Variants in FYB2 observed in about 807,000 individuals in gnomAD.
FYB2 encodes the protein FYN-binding protein 2.
FYB2 carries 103 observed loss-of-function variants against 94.1 expected under a neutral mutation model. The observed-to-expected ratio is 1.09, with a 90% CI of 0.93 to 1.29. The LOEUF is 1.29. Ranked by LOEUF, FYB2 falls within the 50% of genes most tolerant of loss-of-function variation. The pLI, the probability that FYB2 is intolerant of heterozygous loss-of-function variation, is 0.00. For synonymous variants in FYB2, 293 were observed against 287.9 expected, an observed-to-expected ratio of 1.02 and a Z score of -0.18; for missense variants, 896 against 841.5, an observed-to-expected ratio of 1.06 and a Z score of -0.80.
At chr1:56,804,633 G>A (rs1012461875) in intron 1 of FYB2, among the ~76,000 whole-genome samples, 3 of 152,154 alleles carry the variant, frequency 2.0e-5, no homozygotes, top group Non-Finnish European at 4.4e-5. Context: ...GGGAGGCTGA[G>A]TGGGGAGGAT....
At chr1:56,779,278 G>A (rs1645954283) in intron 4 of FYB2, among the ~76,000 whole-genome samples, 1 of 152,132 alleles carries the variant, frequency 6.6e-6, no homozygotes, top group Non-Finnish European at 1.5e-5. Flanking sequence ...TCAATGATTA[G>A]TTTAATTAAA....
chr1:56,787,996 G>A (rs1279382556), intron 3 of FYB2, among the ~76,000 whole-genome samples: 3 of 152,156 alleles, frequency 2.0e-5, no homozygotes, highest in Non-Finnish European at 4.4e-5. Context: ...ATGACTTGTA[G>A]CAGTGGTTCT....
intron 1 of FYB2, among the ~76,000 whole-genome samples, chr1:56,806,724 G>A (rs148472615): frequency 5.9e-5 from 9 of 152,088 alleles, no homozygotes; most frequent in African/African-American, 1.9e-4. Flanking sequence ...TGGGGTTTAT[G>A]ATGTCTTTTA....
intron 4 of FYB2, among the ~76,000 whole-genome samples, chr1:56,773,389 A>G (rs1386937684): frequency 6.6e-6 from 1 of 152,168 alleles, no homozygotes; most frequent in Non-Finnish European, 1.5e-5. Context: ...GAGATTATTA[A>G]TCACATTAAT....
intron 1 of FYB2, among the ~76,000 whole-genome samples, chr1:56,815,189 C>G (rs1260273908): frequency 6.6e-6 from 1 of 152,104 alleles, no homozygotes; most frequent in African/African-American, 2.4e-5. Context: ...CCATATTACC[C>G]ATCTCTGCTG....
At chr1:56,763,562 T>C (rs539505584) in intron 5 of FYB2, among the ~76,000 whole-genome samples, 21 of 152,296 alleles carry the variant, frequency 1.4e-4, no homozygotes, top group Middle Eastern at 3.4e-3. Context: ...TATTCCCTTA[T>C]TATTGTTTTG....
chr1:56,719,554 CCA>C lies in FYB2; in HGVS notation c.*115_*116del. The C allele has an allele frequency of 3.5e-6, 3 of 866,188 alleles. No individual in the cohort carries two copies. Among genetic ancestry groups the C allele is most frequent in the Non-Finnish European group, 5.2e-6 (3 of 575,368 alleles). The allele number at this position is 866,188 out of a possible 1,614,324, so 53.7% of individuals were successfully genotyped here. A position where few individuals can be genotyped will look rare whatever the true frequency, so the allele number is the denominator to read the frequency against. On this transcript the variant is annotated 3_prime_UTR_variant, in exon 20 of 20. Transcript: ENST00000343433. ...TCTTTTAAGTTCAGAACGAAAGTTTCCACAGATTCCACCATCTCAAAATTTTG... is the reference window on the plus strand; with the variant it reads ...TCTTTTAAGTTCAGAACGAAAGTTTCCAGATTCCACCATCTCAAAATTTTG...
intron 9 of FYB2, 100 bp downstream of exon 9, chr1:56,750,944 A>G (rs1206256411): frequency 3.6e-6 from 5 of 1,370,550 alleles, no homozygotes; most frequent in Non-Finnish European, 5.0e-6. Context: ...CACAAAATAG[A>G]TGTTCAATAA....
intron 17 of FYB2, among the ~76,000 whole-genome samples, chr1:56,722,318 G>C (rs1242916671): frequency 2.0e-5 from 3 of 152,070 alleles, no homozygotes; most frequent in African/African-American, 4.8e-5. Context: ...AAAATGCTAA[G>C]CAGCCTTATT....
At position 56,789,016 on chromosome 1, in the gene FYB2, G is replaced by C. The variant is rs747504031; in HGVS notation, c.876C>G (p.Ala292=). ...GAACAGCAGCTGGCTGCCTCTGAAAGGCCTGGAGGTTCACGATGGGAGGTC... is the reference window on the plus strand; with the variant it reads ...GAACAGCAGCTGGCTGCCTCTGAAACGCCTGGAGGTTCACGATGGGAGGTC... ...PSRPPIVNLQ[A]FQRQPAAVPK... Residue 292 remains alanine, a synonymous_variant, in exon 3 of 20, where the codon GCC becomes GCG. Coordinates refer to ENST00000343433, the MANE Select transcript of FYB2 (RefSeq NM_001004303.5). 1 of 1,613,994 alleles carries C rather than the reference G, an allele frequency of 6.2e-7. No homozygotes were observed. Among genetic ancestry groups the C allele is most frequent in the Non-Finnish European group, 8.5e-7 (1 of 1,179,990 alleles).
chr1:56,733,053 GA>G, intron 15 of FYB2, among the ~76,000 whole-genome samples: 1 of 152,056 alleles, frequency 6.6e-6, no homozygotes, highest in South Asian at 2.1e-4. Flanking sequence ...ACAACTTACA[GA>G]ATGGAGAAAA....
chr1:56,746,077 TTTA>T (rs1412543977), intron 9 of FYB2, among the ~76,000 whole-genome samples: 1 of 140,024 alleles, frequency 7.1e-6, no homozygotes, highest in African/African-American at 3.0e-5. Flanking sequence ...CTTAGCTTGC[TTTA>T]TTTTTTCATA....
At chr1:56,797,228 A>G (rs1333585654) in intron 1 of FYB2, among the ~76,000 whole-genome samples, 2 of 152,126 alleles carry the variant, frequency 1.3e-5, no homozygotes, top group Non-Finnish European at 2.9e-5. Context: ...ATTTCACATA[A>G]CTGAAGCCCC....
chr1:56,821,080 AC>A (rs1312702900), upstream of FYB2, among the ~76,000 whole-genome samples: 1 of 152,052 alleles, frequency 6.6e-6, no homozygotes, highest in Non-Finnish European at 1.5e-5. Flanking sequence ...TTCCCTTAGC[AC>A]TCTGGTTCAT....
In FYB2 at chr1:56,758,760, ACATAAAAAAATTATTT is replaced by A. The variant is rs1645418750; in HGVS notation, c.1064-26_1064-11del. ...CCAACTTCATAAGTTGCTAAAGTAA[ACATAAAAAAATTATTT>A]CAAGGCAGCTGATCCACCCATTTCT... is the stretch of plus-strand genomic sequence containing the variant. On this transcript the variant is annotated splice_polypyrimidine_tract_variant and intron_variant, in intron 5 of 19. Transcript: ENST00000343433. 6.3e-7 allele frequency: 1 copy of A among 1,591,432 alleles called. No individual in the cohort carries two copies. Among genetic ancestry groups the A allele is most frequent in the South Asian group, 1.1e-5 (1 of 87,416 alleles).
chr1:56,791,234 T>C (rs1010951342), intron 2 of FYB2, among the ~76,000 whole-genome samples: 2 of 151,794 alleles, frequency 1.3e-5, no homozygotes, highest in African/African-American at 2.4e-5. Context: ...GCTAGGGATA[T>C]GGTAGTAAAA....
chr1:56,817,821 G>T (rs1239561652), intron 1 of FYB2, among the ~76,000 whole-genome samples: 1 of 151,996 alleles, frequency 6.6e-6, no homozygotes, highest in East Asian at 1.9e-4. Flanking sequence ...GTACATTTTT[G>T]TCTAATTTGC....
intron 3 of FYB2, 38 bp downstream of exon 3, chr1:56,788,935 C>T: frequency 6.2e-7 from 1 of 1,612,630 alleles, no homozygotes. Context: ...GAGGTGACTC[C>T]TGGTTGGCCT....
intron 4 of FYB2, 144 bp from the exon 5 acceptor site, chr1:56,768,082 A>C: frequency 1.7e-6 from 1 of 599,214 alleles, no homozygotes; most frequent in South Asian, 2.2e-5. Context: ...CACTACCCCT[A>C]CTCCAAATGC....
Sources: gnomAD v4.1 joint callset for allele counts (sites outside exome capture counted in the v4.1 genomes callset) on GRCh38, gnomAD v4.1.1 for gene constraint, MANE v1.5 for transcripts, NCBI Gene and HGNC (gene_info 2026-07-23, HGNC 2026-07-21) for gene names.